Variants in NRG2 observed in about 807,000 individuals in gnomAD.
NRG2 encodes neuregulin 2.
Under a neutral mutation model 73.9 loss-of-function variants are expected in NRG2, and 27 were observed. That is an observed-to-expected ratio of 0.37 (90% CI 0.27 to 0.50). The LOEUF is 0.50. Among genes scored for constraint, NRG2 ranks in the 20% least tolerant of loss-of-function variants. The pLI is 0.96. For synonymous variants in NRG2, 532 were observed against 541.0 expected, an observed-to-expected ratio of 0.98 and a Z score of 0.23; for missense variants, 1,126 against 1,210.1, an observed-to-expected ratio of 0.93 and a Z score of 1.03.
At chr5:140,017,961 T>C (rs1036245819) in intron 1 of NRG2, among the ~76,000 whole-genome samples, 2 of 152,128 alleles carry the variant, frequency 1.3e-5, no homozygotes, top group Non-Finnish European at 2.9e-5. Flanking sequence ...ACTAGGGACA[T>C]CTGTTGCATC....
chr5:140,030,985 A>T, intron 1 of NRG2, among the ~76,000 whole-genome samples: 1 of 151,510 alleles, frequency 6.6e-6, no homozygotes, highest in African/African-American at 2.4e-5. Flanking sequence ...TGACTTCTGG[A>T]AAAAAAAACT....
chr5:139,862,178 G>A (rs906880359), intron 5 of NRG2, among the ~76,000 whole-genome samples: 1 of 152,200 alleles, frequency 6.6e-6, no homozygotes, highest in African/African-American at 2.4e-5. Context: ...AGCCCTTTAA[G>A]CGTTTTCTTC....
intron 2 of NRG2, among the ~76,000 whole-genome samples, chr5:139,885,404 C>T (rs970219335): frequency 6.6e-6 from 1 of 152,278 alleles, no homozygotes; most frequent in East Asian, 1.9e-4. Context: ...AAGATAACTG[C>T]GGTTTCTCCA....
intron 3 of NRG2, among the ~76,000 whole-genome samples, chr5:139,878,398 G>A (rs974696608): frequency 1.3e-5 from 2 of 152,182 alleles, no homozygotes; most frequent in African/African-American, 4.8e-5. Context: ...TCTTTTCTCC[G>A]GGTGGTGGGC....
At chr5:139,931,792 C>T (rs945507826) in intron 1 of NRG2, among the ~76,000 whole-genome samples, 13 of 152,034 alleles carry the variant, frequency 8.6e-5, no homozygotes, top group African/African-American at 3.1e-4. Flanking sequence ...TTTAAGATGG[C>T]AGAAGAAATA....
intron 1 of NRG2, among the ~76,000 whole-genome samples, chr5:139,945,845 A>T (rs144696743): frequency 6.6e-6 from 1 of 152,226 alleles, no homozygotes; most frequent in Non-Finnish European, 1.5e-5. Context: ...TGAAATTAAG[A>T]AAACAATTCC....
intron 1 of NRG2, among the ~76,000 whole-genome samples, chr5:139,911,886 A>G (rs889170815): frequency 1.3e-5 from 2 of 152,218 alleles, no homozygotes; most frequent in African/African-American, 2.4e-5. Flanking sequence ...ATTTATTTAT[A>G]TAATGACATA....
At chr5:140,041,355 T>G (rs77984937) in intron 1 of NRG2, among the ~76,000 whole-genome samples, 2,034 of 152,272 alleles carry the variant, frequency 0.013, 30 homozygotes, top group African/African-American at 0.042. Context: ...TGTGGGACAA[T>G]TTGATTTGAA....
chr5:139,963,419 G>C (rs1481041096), intron 1 of NRG2, among the ~76,000 whole-genome samples: 2 of 152,192 alleles, frequency 1.3e-5, no homozygotes, highest in South Asian at 2.1e-4. Context: ...ATCTCAACCA[G>C]GTTGGCATCT....
Position 139,976,181 on chromosome 5 carries a change from G to A in NRG2, c.700+66189C>T, listed in dbSNP as rs146072025. ...CCCTTCAGTACTCTGGGACACTCTC[G>A]ACAATCCTGCTTTGGAATTCCTGAC... On this transcript the variant is annotated intron_variant, in intron 1 of 9. Transcript: ENST00000361474. 2.6e-3 allele frequency among the ~76,000 whole-genome samples: 396 copies of A among 152,246 alleles called. 3 individuals are homozygous for A. Among genetic ancestry groups the A allele is most frequent in the African/African-American group, 9.0e-3 (374 of 41,554 alleles).
intron 1 of NRG2, among the ~76,000 whole-genome samples, chr5:139,979,714 A>G (rs895632861): frequency 2.0e-5 from 3 of 152,152 alleles, no homozygotes; most frequent in Non-Finnish European, 2.9e-5. Flanking sequence ...AATCCTGCCA[A>G]CGACACATGA....
At chr5:140,011,345 T>C (rs1463467853) in intron 1 of NRG2, among the ~76,000 whole-genome samples, 5 of 152,232 alleles carry the variant, frequency 3.3e-5, no homozygotes, top group African/African-American at 4.8e-5. Flanking sequence ...GTAGGCAGCC[T>C]CTGAGATGGA....
intron 3 of NRG2, among the ~76,000 whole-genome samples, chr5:139,874,443 A>C (rs993610588): frequency 1.3e-5 from 2 of 152,036 alleles, no homozygotes; most frequent in Admixed American, 6.6e-5. Context: ...GGCATCTTTG[A>C]TTTCATCCTC....
intron 1 of NRG2, among the ~76,000 whole-genome samples, chr5:139,989,401 T>A (rs1402397177): frequency 6.6e-6 from 1 of 151,966 alleles, no homozygotes; most frequent in Non-Finnish European, 1.5e-5. Flanking sequence ...TTGTTTAAAG[T>A]ATTAAAAGCA....
rs1253282083 is a variant in NRG2 at position 140,042,773 on chromosome 5, G to A, written c.297C>T (p.Pro99=). 6.5e-7 allele frequency: 1 copy of A among 1,537,854 alleles called. No individual in the cohort carries two copies. Among genetic ancestry groups the A allele is most frequent in the Non-Finnish European group, 8.7e-7 (1 of 1,143,180 alleles). The part of the protein sequence containing the change: ...AAGGMRRDPA[P]GFSMLLFGVS... ...CACCGAAGAGCAGCATGGAGAAGCC[G>A]GGGGCCGGGTCGCGCCTCATGCCGC... The change falls in exon 1 of 10, where the codon CCC becomes CCT. Residue 99 remains proline (P), a synonymous_variant. Transcript: ENST00000361474.
In NRG2 at chr5:139,967,974, AAAATAAAT is replaced by A. The variant is rs58017535; in HGVS notation, c.700+74388_700+74395del. 3.2e-3 allele frequency among the ~76,000 whole-genome samples: 462 copies of A among 144,500 alleles called. 4 individuals are homozygous for A. Among genetic ancestry groups the A allele is most frequent in the African/African-American group, 7.9e-3 (309 of 38,916 alleles). The allele number at this position is 144,500 out of a possible 152,430, so 94.8% of individuals were successfully genotyped here. On this transcript the variant is annotated intron_variant, in intron 1 of 9. Coordinates refer to ENST00000361474, the MANE Select transcript of NRG2 (RefSeq NM_004883.3). ...ACTCTGTCCCAAAAAATAAAACATA[AAAATAAAT>A]AAATAAATAAATAAATAAATAAATA...
chr5:139,996,055 G>A (rs974964407), intron 1 of NRG2, among the ~76,000 whole-genome samples: 2 of 152,032 alleles, frequency 1.3e-5, no homozygotes, highest in African/African-American at 2.4e-5. Flanking sequence ...GAAAACATCA[G>A]AAAGTTATTT....
At chr5:140,019,625 A>G (rs544056853) in intron 1 of NRG2, 1 of 152,268 alleles carries the variant, frequency 6.6e-6, no homozygotes, top group Non-Finnish European at 1.5e-5. Flanking sequence ...ATAAGTTCAA[A>G]TTAGCTCCAT....
Position 140,041,983 on chromosome 5 carries a change from G to A in NRG2, c.700+387C>T, listed in dbSNP as rs561371667. Among the ~76,000 whole-genome samples the A allele has an allele frequency of 9.9e-5, 15 of 152,180 alleles. No homozygotes were observed. In the East Asian group the frequency reaches 2.9e-3, roughly 30 times the overall value. On this transcript the variant is annotated intron_variant, in intron 1 of 9. Coordinates refer to ENST00000361474, the MANE Select transcript of NRG2 (RefSeq NM_004883.3). Reference sequence around the variant, plus strand: ...TGGGCACGGCAGGCCCGCGGCAGCAGGGCAGGCAAGGCCTCCGAGGGTCAC... The same window carrying A: ...TGGGCACGGCAGGCCCGCGGCAGCAAGGCAGGCAAGGCCTCCGAGGGTCAC...
Sources: gnomAD v4.1 joint callset for allele counts (sites outside exome capture counted in the v4.1 genomes callset) on GRCh38, gnomAD v4.1.1 for gene constraint, MANE v1.5 for transcripts, NCBI Gene and HGNC (gene_info 2026-07-23, HGNC 2026-07-21) for gene names.